Variants in TTN observed in about 807,000 individuals in gnomAD.
The protein encoded by TTN is titin, also known as connectin.
In TTN, 1,525 loss-of-function variants were observed where a neutral mutation model predicts 3,223.0. That is an observed-to-expected ratio of 0.47 (90% CI 0.45 to 0.49). The LOEUF is 0.49. Among genes scored for constraint, TTN ranks in the 20% least tolerant of loss-of-function variants. The probability of loss-of-function intolerance (pLI) is 0.00; values close to 1 mark genes in which losing one functional copy is unlikely to be tolerated. For synonymous variants in TTN, 14,094 were observed against 15,161.0 expected, an observed-to-expected ratio of 0.93 and a Z score of 5.17; for missense variants, 40,786 against 43,424.0, an observed-to-expected ratio of 0.94 and a Z score of 5.40.
chr2:178,533,762 G>C lies in TTN; in HGVS notation c.102853C>G (p.Pro34285Ala), dbSNP rs794729563. The C allele has an allele frequency of 3.1e-6, 5 of 1,613,834 alleles. No homozygotes were observed. Among genetic ancestry groups the C allele is most frequent in the Non-Finnish European group, 4.2e-6 (5 of 1,179,836 alleles). Residue 34285 changes from proline (P) to alanine (A), a missense_variant, in exon 358 of 363, where the codon CCA becomes GCA. Pro to Ala is a conservative substitution (Grantham distance 27, BLOSUM62 -1). Coordinates refer to ENST00000589042, the MANE Select transcript of TTN (RefSeq NM_001267550.2). ...TTATACCATGTTACATGAGGCTCTG[G>C]GTGGACAGTTATAGTTACTCCAAAC... ...VRFGVTITVH[P>A]EPHVTWYKSG...
In TTN at chr2:178,693,655, C is replaced by T. The variant is rs777887659; in HGVS notation, c.31548G>A (p.Glu10516=). ...TTTTGGAAATGGCAACGTGAATTTT[C>T]TCTTCAGTAACAATTTCCTTTTGTA... ...PEVQKEIVTE[E]KIHVAISKRV... is the part of the protein sequence containing the mutation. Residue 10516 remains glutamate (E), a synonymous_variant, in exon 119 of 363, where the codon GAG becomes GAA. Transcript: ENST00000589042. 1.9e-5 allele frequency: 30 copies of T among 1,599,208 alleles called. No individual in the cohort carries two copies. In the South Asian group the frequency reaches 3.2e-4, roughly 17 times the overall value.
chr2:178,595,543 C>T lies in TTN; in HGVS notation c.57811G>A (p.Glu19271Lys), dbSNP rs2051339525. 6.4e-7 allele frequency: 1 copy of T among 1,565,472 alleles called. No homozygotes were observed. The highest frequency in any genetic ancestry group is 8.7e-7 in the Non-Finnish European group (1 of 1,153,848). ...ENSIGMGPFV[E>K]TSEALVIREP... ...CTGATAACAAGTGCCTCTGATGTCTCAACAAATGGACCCATGCCAATACTA... is the reference window on the plus strand; with the variant it reads ...CTGATAACAAGTGCCTCTGATGTCTTAACAAATGGACCCATGCCAATACTA... The change falls in exon 295 of 363, where the codon GAG (glutamate) becomes AAG (lysine). Residue 19271 changes from glutamate to lysine, a missense_variant. Glu to Lys is a moderately conservative substitution (Grantham distance 56). Transcript: ENST00000589042.
Position 178,589,466 on chromosome 2 carries a change from G to C in TTN, c.62259C>G (p.Asp20753Glu). Residue 20753 changes from aspartate (D) to glutamate (E), a missense_variant, in exon 304 of 363, where the codon GAC becomes GAG. Asp to Glu is a conservative substitution (Grantham distance 45). Coordinates refer to ENST00000589042, the MANE Select transcript of TTN (RefSeq NM_001267550.2). ...CAACAACTTCCTCTGTCTTCACCCA[G>C]TCACTTTCCCCACCTTCATTCTTTG... The part of the protein sequence containing the change: ...VQTKNEGGES[D>E]WVKTEEVVVK... 6.2e-7 allele frequency: 1 copy of C among 1,613,308 alleles called. No individual in the cohort carries two copies. Among genetic ancestry groups the C allele is most frequent in the Non-Finnish European group, 8.5e-7 (1 of 1,179,612 alleles).
At position 178,792,109 on chromosome 2, in the gene TTN, T is replaced by G. The variant is rs760198462; in HGVS notation, c.1625A>C (p.Glu542Ala). The G allele has an allele frequency of 1.9e-6, 3 of 1,612,718 alleles. No homozygotes were observed. Among genetic ancestry groups the G allele is most frequent in the South Asian group, 1.1e-5 (1 of 90,868 alleles). ...TACTTGTTTCTGTTTCTTAGTAATTTCTTCAGAAATTCTAGTTTCTTGTTC... is the reference window on the plus strand; with the variant it reads ...TACTTGTTTCTGTTTCTTAGTAATTGCTTCAGAAATTCTAGTTTCTTGTTC... ...AKEQETRISE[E>A]ITKKQKQVTQ... Residue 542 changes from glutamate (E) to alanine (A), a missense_variant, in exon 10 of 363, where the codon GAA becomes GCA. Transcript: ENST00000589042.
chr2:178,527,647 T>G lies in TTN; in HGVS notation c.107479A>C (p.Lys35827Gln), dbSNP rs765128381. ...AAACTGCTGAAGGAGGCCTCCTGCT[T>G]GGAGGCAGACATTTGGACTGACTGA... is the stretch of plus-strand genomic sequence containing the variant. ...SSQSVQMSAS[K>Q]QEASFSSFSS... is the part of the protein sequence containing the mutation. The change falls in exon 362 of 363, where the codon AAG becomes CAG. Residue 35827 changes from lysine to glutamine, a missense_variant. Coordinates refer to ENST00000589042, the MANE Select transcript of TTN (RefSeq NM_001267550.2). 1.2e-6 allele frequency: 2 copies of G among 1,613,948 alleles called. No individual in the cohort carries two copies. Among genetic ancestry groups the G allele is most frequent in the Non-Finnish European group, 8.5e-7 (1 of 1,179,828 alleles).
In TTN at chr2:178,574,213, C is replaced by T. The variant is rs758579992; in HGVS notation, c.71919G>A (p.Lys23973=). 1 of 1,613,392 alleles carries T rather than the reference C, an allele frequency of 6.2e-7. No individual in the cohort carries two copies. Among genetic ancestry groups the T allele is most frequent in the Non-Finnish European group, 8.5e-7 (1 of 1,179,548 alleles). Residue 23973 remains lysine, a synonymous_variant, in exon 326 of 363, where the codon AAG becomes AAA. Coordinates refer to ENST00000589042, the MANE Select transcript of TTN (RefSeq NM_001267550.2). ...KRDLPNGRWL[K]ANFSNILENE... is the part of the protein sequence containing the mutation. ...TCTCCAAAATGTTGCTGAAGTTGGCCTTCAGCCACCGTCCATTAGGAAGGT... is the reference window on the plus strand; with the variant it reads ...TCTCCAAAATGTTGCTGAAGTTGGCTTTCAGCCACCGTCCATTAGGAAGGT...
At chr2:178,793,195 T>G (rs1269534944) in intron 9 of TTN, among the ~76,000 whole-genome samples, 1 of 152,144 alleles carries the variant, frequency 6.6e-6, no homozygotes, top group East Asian at 1.9e-4. Context: ...GTTCACAGAG[T>G]TCTTTTTCAT....
Position 178,786,107 on chromosome 2 carries a change from G to GT in TTN, c.2110dup (p.Thr704AsnfsTer21). 3 of 1,613,916 alleles carry GT rather than the reference G, an allele frequency of 1.9e-6. No homozygotes were observed. The highest frequency in any genetic ancestry group is 2.5e-6 in the Non-Finnish European group (3 of 1,179,984). On this transcript the variant is annotated frameshift_variant, in exon 14 of 363. Coordinates refer to ENST00000589042, the MANE Select transcript of TTN (RefSeq NM_001267550.2). LOFTEE classifies it high-confidence loss of function. ...GGCCTGGTCTACTGCAGCAACAACT[G>GT]TTGCTACAGCTTCAGCCTTTTTTCC...
rs748932236 is a variant in TTN, at chr2:178,530,803, G to A, written c.105812C>T (p.Pro35271Leu). The change falls in exon 358 of 363, where the codon CCA becomes CTA. Residue 35271 changes from proline (P) to leucine (L), a missense_variant. Coordinates refer to ENST00000589042, the MANE Select transcript of TTN (RefSeq NM_001267550.2). ...PKAVSPTETK[P>L]TPTEKVQHLP... ...GTGCTGAACTTTCTCTGTTGGTGTTGGTTTTGTCTCTGTGGGTGATACGGC... is the reference window on the plus strand; with the variant it reads ...GTGCTGAACTTTCTCTGTTGGTGTTAGTTTTGTCTCTGTGGGTGATACGGC... 2 of 1,613,840 alleles carry A rather than the reference G, an allele frequency of 1.2e-6. No individual in the cohort carries two copies. Among genetic ancestry groups the A allele is most frequent in the South Asian group, 2.2e-5 (2 of 91,078 alleles).
intron 159 of TTN, among the ~76,000 whole-genome samples, chr2:178,668,733 CAAAA>C (rs1372370526): frequency 1.6e-5 from 1 of 61,832 alleles, no homozygotes. Flanking sequence ...GATTCCATCT[CAAAA>C]AAAAAAAAAA....
At chr2:178,779,911 A>G in intron 22 of TTN, 89 bp downstream of exon 22, 2 of 1,356,002 alleles carry the variant, frequency 1.5e-6, no homozygotes, top group Non-Finnish European at 2.1e-6. Context: ...TCTAACCCCG[A>G]GCTCATCACT....
Position 178,547,588 on chromosome 2 carries a change from A to C in TTN, c.94038T>G (p.Val31346=). The change falls in exon 339 of 363, where the codon GTT becomes GTG. Residue 31346 remains valine, a synonymous_variant. Coordinates refer to ENST00000589042, the MANE Select transcript of TTN (RefSeq NM_001267550.2). ...GGGTEITNYI[V]EKRESGTTAW... ...CTGTTGTACCCGATTCACGCTTTTCAACTATGTAATTAGTAATTTCAGTGC... is the reference window on the plus strand; with the variant it reads ...CTGTTGTACCCGATTCACGCTTTTCCACTATGTAATTAGTAATTTCAGTGC... 1.2e-6 allele frequency: 2 copies of C among 1,613,872 alleles called. No individual in the cohort carries two copies. The highest frequency in any genetic ancestry group is 2.2e-5 in the South Asian group (2 of 91,080).
At chr2:178,553,887 G>A in intron 333 of TTN, 27 bp downstream of exon 333, 1 of 1,568,124 alleles carries the variant, frequency 6.4e-7, no homozygotes, top group East Asian at 2.2e-5. Flanking sequence ...AGACACAGGT[G>A]AAGATGCTGC....
In TTN at chr2:178,533,519, T is replaced by C; in HGVS notation, c.103096A>G (p.Lys34366Glu). ...CATTCTGCATTTGCCAGTAACCTTTTGAACATGGGTCTTAAGGTACTATCT... is the reference window on the plus strand; with the variant it reads ...CATTCTGCATTTGCCAGTAACCTTTCGAACATGGGTCTTAAGGTACTATCT... ...PTDSTLRPMFKRLLANAECQE... is the reference protein window; with the variant it reads ...PTDSTLRPMFERLLANAECQE... Residue 34366 changes from lysine to glutamate, a missense_variant, in exon 358 of 363, where the codon AAA (lysine) becomes GAA (glutamate). Coordinates refer to ENST00000589042, the MANE Select transcript of TTN (RefSeq NM_001267550.2). 6.2e-7 allele frequency: 1 copy of C among 1,613,694 alleles called. No homozygotes were observed. The highest frequency in any genetic ancestry group is 1.1e-5 in the South Asian group (1 of 91,078).
At chr2:178,790,950 G>C in intron 10 of TTN, 105 bp from the exon 11 acceptor site, 10 of 1,384,348 alleles carry the variant, frequency 7.2e-6, no homozygotes, top group Non-Finnish European at 9.0e-6. Context: ...AGTGGTGAAC[G>C]ATAAAATGTC....
chr2:178,534,764 T>G lies in TTN; in HGVS notation c.101851A>C (p.Arg33951=). Residue 33951 remains arginine, a synonymous_variant, in exon 358 of 363, where the codon AGA becomes CGA. Transcript: ENST00000589042. ...TCTATGATTTTAATGGTAGAGCTTC[T>G]TCTGGTTTGGTAAATGATATTTTCT... is the stretch of plus-strand genomic sequence containing the variant. ...RPENIIYQTR[R]SSTIKIIEFG... 1 of 1,613,690 alleles carries G rather than the reference T, an allele frequency of 6.2e-7. No individual in the cohort carries two copies. The highest frequency in any genetic ancestry group is 8.5e-7 in the Non-Finnish European group (1 of 1,179,796).
At chr2:178,719,925 GA>G (rs2078081276) in intron 81 of TTN, 57 bp downstream of exon 81, 4 of 1,542,290 alleles carry the variant, frequency 2.6e-6, no homozygotes. Flanking sequence ...AATATTTGAG[GA>G]AAATGATCAT....
At position 178,559,714 on chromosome 2, in the gene TTN, A is replaced by G. The variant is rs1206526; in HGVS notation, c.86418T>C (p.Ser28806=). 3.7e-6 allele frequency: 6 copies of G among 1,603,226 alleles called. No homozygotes were observed. In the African/African-American group the frequency reaches 4.0e-5, roughly 11 times the overall value. Reference sequence around the variant, plus strand: ...CATTTTCAATGGTCAGTGATGTACGAGAGTCTGTGGTATCAACATAAGCTC... The same window carrying G: ...CATTTTCAATGGTCAGTGATGTACGGGAGTCTGTGGTATCAACATAAGCTC... The part of the protein sequence containing the change: ...RTRAYVDTTD[S]RTSLTIENAN... The change falls in exon 326 of 363, where the codon TCT becomes TCC. Residue 28806 remains serine, a synonymous_variant. Coordinates refer to ENST00000589042, the MANE Select transcript of TTN (RefSeq NM_001267550.2).
chr2:178,634,936 T>TA lies in TTN; in HGVS notation c.42025-88dup. ...TCAGATACAAATTTCTATAGAGTTT[T>TA]AAAAATTACTACTAATAAAAGTAAG... On this transcript the variant is annotated intron_variant, in intron 228 of 362. Transcript: ENST00000589042. The surrounding 1 kb of genome is among the most constrained non-coding windows in gnomAD (Gnocchi z 4.6). 6.9e-7 allele frequency: 1 copy of TA among 1,455,678 alleles called. No homozygotes were observed. Among genetic ancestry groups the TA allele is most frequent in the Middle Eastern group, 2.3e-4 (1 of 4,410 alleles). The allele number at this position is 1,455,678 out of a possible 1,614,324, so 90.2% of individuals were successfully genotyped here.
Sources: gnomAD v4.1 joint callset for allele counts (sites outside exome capture counted in the v4.1 genomes callset) on GRCh38, gnomAD v4.1.1 for gene constraint, Gnocchi (gnomAD v3.1) non-coding constraint, MANE v1.5 for transcripts, NCBI Gene and HGNC (gene_info 2026-07-23, HGNC 2026-07-21) for gene names.